The following MTF2 variants were observed in gnomAD, a reference collection of about 807,000 sequenced individuals.
MTF2 encodes the protein metal response element binding transcription factor 2.
MTF2 carries 11 observed loss-of-function variants against 79.5 expected under a neutral mutation model. The observed-to-expected ratio is 0.14, with a 90% CI of 0.09 to 0.23. MTF2 has a LOEUF of 0.23. MTF2 is among the 10% of genes least tolerant of loss of function. The pLI is 1.00. For synonymous variants in MTF2, 208 were observed against 232.8 expected (o/e 0.89, Z 0.97); for missense variants, 486 against 711.2 (o/e 0.68, Z 3.60).
At position 93,136,664 on chromosome 1, in the gene MTF2, A is replaced by G. The variant is rs1177292632; in HGVS notation, c.1425-6A>G. Reference sequence around the variant, plus strand: ...GTAGACAATTCTGGCCTTCTCTGTTACATAGATTATCTGACTCCAGAAAAA... The same window carrying G: ...GTAGACAATTCTGGCCTTCTCTGTTGCATAGATTATCTGACTCCAGAAAAA... On this transcript the variant is annotated splice_polypyrimidine_tract_variant and splice_region_variant and intron_variant, in intron 14 of 14. Coordinates refer to ENST00000370298, the MANE Select transcript of MTF2 (RefSeq NM_007358.4). 4 of 1,609,754 alleles carry G rather than the reference A, an allele frequency of 2.5e-6. No homozygotes were observed. Among genetic ancestry groups the G allele is most frequent in the Non-Finnish European group, 2.5e-6 (3 of 1,177,912 alleles).
chr1:93,112,012 T>C (rs922575535), intron 3 of MTF2, among the ~76,000 whole-genome samples: 5 of 152,178 alleles, frequency 3.3e-5, no homozygotes, highest in African/African-American at 9.6e-5. Context: ...TCCTCTGCTT[T>C]TAAAAGTGGT....
At chr1:93,110,091 A>G in intron 1 of MTF2, 139 bp from the exon 2 acceptor site, 1 of 775,898 alleles carries the variant, frequency 1.3e-6, no homozygotes, top group Non-Finnish European at 2.0e-6. Flanking sequence ...GAGAGTATTT[A>G]TGATTTGAGG....
intron 9 of MTF2, 164 bp downstream of exon 9, chr1:93,120,836 C>T: frequency 7.5e-7 from 1 of 1,341,334 alleles, no homozygotes; most frequent in Non-Finnish European, 9.5e-7. Flanking sequence ...CAGGACCAGC[C>T]TTCTCATCCT....
At chr1:93,082,273 C>CTTT (rs11380988) in intron 1 of MTF2, among the ~76,000 whole-genome samples, 4 of 139,242 alleles carry the variant, frequency 2.9e-5, no homozygotes, top group Admixed American at 7.2e-5. Context: ...TGTAACCATT[C>CTTT]TTTTTTTTTT....
intron 1 of MTF2, 116 bp downstream of exon 1, chr1:93,079,647 G>A: frequency 7.6e-7 from 1 of 1,319,558 alleles, no homozygotes; most frequent in South Asian, 1.2e-5. Context: ...GGGGGTGGGG[G>A]CTCCTGTATG....
In MTF2 at chr1:93,137,220, A is replaced by AAATTTTT; in HGVS notation, c.*195_*196insTTTTTAA. ...TATTGTCATAAAAAGGTATCTTTTA[A>AAATTTTT]AAATCAGAACAGAGACTTAATTTTT... On this transcript the variant is annotated 3_prime_UTR_variant, in exon 15 of 15. Transcript: ENST00000370298. 1 of 462,740 alleles carries AAATTTTT rather than the reference A, an allele frequency of 2.2e-6. No homozygotes were observed. Among genetic ancestry groups the AAATTTTT allele is most frequent in the Non-Finnish European group, 3.8e-6 (1 of 263,828 alleles). The allele number at this position is 462,740 out of a possible 1,614,324, so 28.7% of individuals were successfully genotyped here.
intron 10 of MTF2, among the ~76,000 whole-genome samples, chr1:93,127,963 A>T (rs979900368): frequency 6.6e-5 from 10 of 152,154 alleles, no homozygotes; most frequent in African/African-American, 2.4e-4. Flanking sequence ...ATATTATAAA[A>T]TTTTTGTTGG....
intron 9 of MTF2, among the ~76,000 whole-genome samples, chr1:93,125,705 G>C (rs1315777563): frequency 6.6e-6 from 1 of 152,004 alleles, no homozygotes; most frequent in Admixed American, 6.6e-5. Context: ...CAGTTGGGGT[G>C]GGGAGGGGGG....
intron 1 of MTF2, among the ~76,000 whole-genome samples, chr1:93,082,851 ACAGT>A (rs1442849499): frequency 1.3e-5 from 2 of 152,290 alleles, no homozygotes; most frequent in East Asian, 1.9e-4. Context: ...TAATCCATTA[ACAGT>A]CAGTCCCCTT....
chr1:93,137,141 A>C lies in MTF2; in HGVS notation c.*114A>C. ...CTTAAAAAAAAAAAAAAGTCAAAAA[A>C]ATTCAAAAAAGGGGATGATACTAGC... On this transcript the variant is annotated 3_prime_UTR_variant, in exon 15 of 15. Transcript: ENST00000370298. 1.1e-6 allele frequency: 1 copy of C among 889,434 alleles called. No homozygotes were observed. Among genetic ancestry groups the C allele is most frequent in the South Asian group, 1.9e-5 (1 of 52,712 alleles). The allele number at this position is 889,434 out of a possible 1,614,324, so 55.1% of individuals were successfully genotyped here.
chr1:93,095,556 G>A (rs750954929), intron 1 of MTF2, among the ~76,000 whole-genome samples: 2 of 151,880 alleles, frequency 1.3e-5, no homozygotes, highest in African/African-American at 4.8e-5. Flanking sequence ...GGCCAGGATG[G>A]TCTCGAACTC....
At chr1:93,096,808 CTTTTTTTTTTT>C (rs961849389) in intron 1 of MTF2, among the ~76,000 whole-genome samples, 3 of 136,244 alleles carry the variant, frequency 2.2e-5, no homozygotes, top group South Asian at 4.4e-4. Context: ...TTTTCTTTTT[CTTTTTTTTTTT>C]TTTTTTTTGG....
chr1:93,134,032 A>G (rs1297136850), intron 13 of MTF2, 52 bp downstream of exon 13: 2 of 1,549,012 alleles, frequency 1.3e-6, no homozygotes, highest in South Asian at 2.3e-5. Context: ...TTGAGTAGAT[A>G]TTAATATTTG....
chr1:93,124,686 C>CAT (rs1240028394), intron 9 of MTF2, among the ~76,000 whole-genome samples: 1 of 151,826 alleles, frequency 6.6e-6, no homozygotes, highest in East Asian at 1.9e-4. Flanking sequence ...TTATAATTAG[C>CAT]ATATAGTATG....
At chr1:93,083,461 T>C (rs1049502340) in intron 1 of MTF2, among the ~76,000 whole-genome samples, 2 of 152,250 alleles carry the variant, frequency 1.3e-5, no homozygotes, top group Admixed American at 1.3e-4. Context: ...GTTTGTCTAG[T>C]CATCAGTTGA....
In MTF2 at chr1:93,136,784, A is replaced by C. The variant is rs937201398; in HGVS notation, c.1539A>C (p.Ser513=). 4 of 1,614,096 alleles carry C rather than the reference A, an allele frequency of 2.5e-6. No homozygotes were observed. Among genetic ancestry groups the C allele is most frequent in the Non-Finnish European group, 3.4e-6 (4 of 1,180,034 alleles). ...LPRRALQTQN[S]EIVKDDEGKE... is the part of the protein sequence containing the mutation. ...GAAGAGCACTCCAGACTCAGAACTCAGAAATTGTAAAAGATGATGAAGGCA... is the reference window on the plus strand; with the variant it reads ...GAAGAGCACTCCAGACTCAGAACTCCGAAATTGTAAAAGATGATGAAGGCA... Residue 513 remains serine (S), a synonymous_variant, in exon 15 of 15, where the codon TCA becomes TCC. Transcript: ENST00000370298.
Position 93,110,446 on chromosome 1 carries a change from A to G in MTF2, c.204+18A>G, listed in dbSNP as rs745741290. On this transcript the variant is annotated intron_variant, in intron 2 of 14. Coordinates refer to ENST00000370298, the MANE Select transcript of MTF2 (RefSeq NM_007358.4). ...TCAAAAAGGCAAGTTACTTTAATGT[A>G]TCTTTTGCTGTTTTTGCAGTAAGCA... 8 of 1,613,056 alleles carry G rather than the reference A, an allele frequency of 5.0e-6. No homozygotes were observed. The South Asian group carries it at 7.7e-5, about 16-fold the overall frequency.
rs554452003 is a variant in MTF2 at position 93,091,332 on chromosome 1, A to G, written c.5+11801A>G. On this transcript the variant is annotated intron_variant, in intron 1 of 14. Coordinates refer to ENST00000370298, the MANE Select transcript of MTF2 (RefSeq NM_007358.4). ...CTTCTTTTCCTCAGGATACTTTTAT[A>G]AAAAAGCATTTTAAATTTTGTATTT... Among the ~76,000 whole-genome samples, 3 of 149,440 alleles carry G rather than the reference A, an allele frequency of 2.0e-5. No homozygotes were observed. The South Asian group carries it at 6.2e-4, about 31-fold the overall frequency.
intron 1 of MTF2, among the ~76,000 whole-genome samples, chr1:93,091,667 GATACTT>G: frequency 6.6e-6 from 1 of 152,276 alleles, no homozygotes; most frequent in African/African-American, 2.4e-5. Context: ...TTGCATAAAA[GATACTT>G]ACATTTAAGA....
Sources: allele counts gnomAD v4.1 joint callset (sites outside exome capture counted in the v4.1 genomes callset), GRCh38; gene constraint gnomAD v4.1.1; transcripts MANE v1.5; gene names NCBI Gene and HGNC (gene_info 2026-07-23, HGNC 2026-07-21).